Variants in XYLT1 observed in about 807,000 individuals in gnomAD.
XYLT1 encodes beta-D-xylosyltransferase 1.
A neutral mutation model predicts 91.3 loss-of-function variants in XYLT1; 36 were observed. The ratio of observed to expected loss-of-function variants is 0.39; its 90% CI spans 0.30 to 0.52. The LOEUF (loss-of-function observed/expected upper bound fraction) is 0.52, where lower values mean the gene tolerates loss of function less well. Among genes scored for constraint, XYLT1 ranks in the 20% least tolerant of loss-of-function variants. XYLT1 has a pLI of 0.68. For synonymous variants in XYLT1, 588 were observed against 532.0 expected, an observed-to-expected ratio of 1.11 and a Z score of -1.45; for missense variants, 1,242 against 1,284.5, an observed-to-expected ratio of 0.97 and a Z score of 0.51.
Position 17,106,510 on chromosome 16 carries a change from C to T in XYLT1, c.*2185G>A, listed in dbSNP as rs995524991. 10 of 152,364 alleles carry T rather than the reference C, an allele frequency of 6.6e-5. No individual in the cohort carries two copies. The highest frequency in any genetic ancestry group is 1.7e-4 in the African/African-American group (7 of 41,568). 9.4% of individuals were successfully genotyped at this position (152,364 alleles called of 1,614,324 possible). A position where few individuals can be genotyped will look rare whatever the true frequency, so the allele number is the denominator to read the frequency against. On this transcript the variant is annotated 3_prime_UTR_variant, in exon 12 of 12. Transcript: ENST00000261381. Reference sequence around the variant, plus strand: ...ACTCTGCTGCCTGGATCTGACGACCCTCCTCCTAAGATGGATCTCTCTCAA... The same window carrying T: ...ACTCTGCTGCCTGGATCTGACGACCTTCCTCCTAAGATGGATCTCTCTCAA...
intron 2 of XYLT1, among the ~76,000 whole-genome samples, chr16:17,275,315 G>T (rs1397920690): frequency 6.6e-6 from 1 of 152,168 alleles, no homozygotes; most frequent in Non-Finnish European, 1.5e-5. Context: ...ACACAGCATG[G>T]TTATAAACTT....
At chr16:17,127,554 T>C (rs1433021635) in intron 10 of XYLT1, 112 bp downstream of exon 10, 3 of 1,289,578 alleles carry the variant, frequency 2.3e-6, no homozygotes, top group Non-Finnish European at 3.2e-6. Flanking sequence ...TCTTTAGGGA[T>C]CTCCAAGTCC....
chr16:17,276,962 T>A (rs2033986525), intron 2 of XYLT1, among the ~76,000 whole-genome samples: 1 of 152,208 alleles, frequency 6.6e-6, no homozygotes, highest in African/African-American at 2.4e-5. Context: ...AAGGTAGCGG[T>A]TACCCACATC....
chr16:17,160,556 A>C (rs1468824033), intron 5 of XYLT1, among the ~76,000 whole-genome samples: 1 of 152,172 alleles, frequency 6.6e-6, no homozygotes, highest in Non-Finnish European at 1.5e-5. Context: ...ATTCAAAACC[A>C]GCCATTCTAG....
chr16:17,413,016 C>T (rs145268320), intron 1 of XYLT1, among the ~76,000 whole-genome samples: 1 of 152,196 alleles, frequency 6.6e-6, no homozygotes, highest in Non-Finnish European at 1.5e-5. Flanking sequence ...ACACTCCCCA[C>T]CTTTTCCTCA....
At chr16:17,207,540 C>T (rs1020502474) in intron 3 of XYLT1, among the ~76,000 whole-genome samples, 3 of 152,174 alleles carry the variant, frequency 2.0e-5, no homozygotes, top group African/African-American at 4.8e-5. Flanking sequence ...CATACAGGGT[C>T]CCGGTGGTGG....
chr16:17,267,080 A>G (rs1202310163), intron 2 of XYLT1, among the ~76,000 whole-genome samples: 1 of 152,206 alleles, frequency 6.6e-6, no homozygotes, highest in Non-Finnish European at 1.5e-5. Flanking sequence ...ATGTAGCATC[A>G]TGTTAATGGG....
intron 1 of XYLT1, among the ~76,000 whole-genome samples, chr16:17,395,385 C>T (rs188125196): frequency 6.6e-6 from 1 of 152,270 alleles, no homozygotes; most frequent in East Asian, 1.9e-4. Flanking sequence ...TGGTGCATTC[C>T]TGTAGTCCCA....
intron 2 of XYLT1, among the ~76,000 whole-genome samples, chr16:17,287,192 G>T (rs1172278334): frequency 4.6e-5 from 7 of 152,138 alleles, no homozygotes; most frequent in Admixed American, 4.6e-4. Flanking sequence ...CAGGCCTGGC[G>T]TGGATCTAGT....
intron 3 of XYLT1, among the ~76,000 whole-genome samples, chr16:17,256,028 CAGAT>C (rs1227638061): frequency 6.6e-6 from 1 of 151,992 alleles, no homozygotes; most frequent in Non-Finnish European, 1.5e-5. Context: ...CAAAACAAAA[CAGAT>C]AGAAAACAAA....
chr16:17,418,403 C>T (rs1331847127), intron 1 of XYLT1, among the ~76,000 whole-genome samples: 1 of 152,176 alleles, frequency 6.6e-6, no homozygotes, highest in Non-Finnish European at 1.5e-5. Context: ...CTAATGCTCC[C>T]TTAAAAACAA....
intron 3 of XYLT1, among the ~76,000 whole-genome samples, chr16:17,253,298 G>A (rs950837261): frequency 1.1e-4 from 16 of 152,228 alleles, no homozygotes; most frequent in East Asian, 1.9e-4. Context: ...TTAAAGCGTC[G>A]CTGAGGCTGG....
In XYLT1 at chr16:17,127,853, G is replaced by A; in HGVS notation, c.2036C>T (p.Pro679Leu). Residue 679 changes from proline (P) to leucine (L), a missense_variant, in exon 10 of 12, where the codon CCA (proline) becomes CTA (leucine). Transcript: ENST00000261381. ...GTGCACAGATGCTGGGTGGCCCATT[G>A]GGTAGTATCTGAAAACACAGGCGCT... ...TDGENSCRYYPMGHPASVHLY... is the reference protein window; with the variant it reads ...TDGENSCRYYLMGHPASVHLY... 6.2e-7 allele frequency: 1 copy of A among 1,613,252 alleles called. No individual in the cohort carries two copies. Among genetic ancestry groups the A allele is most frequent in the African/African-American group, 1.3e-5 (1 of 74,944 alleles).
chr16:17,250,774 C>A (rs2033526003), intron 3 of XYLT1: 1 of 152,344 alleles, frequency 6.6e-6, no homozygotes, highest in Non-Finnish European at 1.5e-5. Flanking sequence ...CCAGTTGGAA[C>A]TGCAAGGGCC....
intron 1 of XYLT1, among the ~76,000 whole-genome samples, chr16:17,405,407 G>A (rs2036020324): frequency 6.6e-6 from 1 of 152,192 alleles, no homozygotes; most frequent in Non-Finnish European, 1.5e-5. Context: ...CAAGCCACGA[G>A]GCCGGAGCGG....
chr16:17,244,047 G>T (rs1303223775), intron 3 of XYLT1, among the ~76,000 whole-genome samples: 2 of 152,092 alleles, frequency 1.3e-5, no homozygotes, highest in African/African-American at 4.8e-5. Flanking sequence ...TTTCCCAGTC[G>T]AGACAACCAA....
chr16:17,358,798 A>G, intron 1 of XYLT1, among the ~76,000 whole-genome samples: 1 of 152,234 alleles, frequency 6.6e-6, no homozygotes, highest in Non-Finnish European at 1.5e-5. Flanking sequence ...GCCATCATCA[A>G]TTTGTGTCTG....
In XYLT1 at chr16:17,223,174, G is replaced by A. The variant is rs2033002660; in HGVS notation, c.914-22520C>T. Among the ~76,000 whole-genome samples, 4 of 152,108 alleles carry A rather than the reference G, an allele frequency of 2.6e-5. No homozygotes were observed. The South Asian group carries it at 8.3e-4, about 32-fold the overall frequency. ...AACTAAATTACTAACCTTGCCTCCC[G>A]CTGTGCCCCGTATCCCTGTCAGATG... On this transcript the variant is annotated intron_variant, in intron 3 of 11. Coordinates refer to ENST00000261381, the MANE Select transcript of XYLT1 (RefSeq NM_022166.4).
chr16:17,148,665 G>A (rs1164834243), intron 6 of XYLT1, among the ~76,000 whole-genome samples: 5 of 152,176 alleles, frequency 3.3e-5, no homozygotes, highest in African/African-American at 4.8e-5. Flanking sequence ...CTTTCCCAAG[G>A]TCACACAGCC....
Sources: gnomAD v4.1 joint callset for allele counts (sites outside exome capture counted in the v4.1 genomes callset) on GRCh38, gnomAD v4.1.1 for gene constraint, MANE v1.5 for transcripts, NCBI Gene and HGNC (gene_info 2026-07-23, HGNC 2026-07-21) for gene names.